The following FMN2 variants were observed in gnomAD, a reference collection of about 807,000 sequenced individuals.
FMN2 encodes formin 2, also known as formin-2.
Under a neutral mutation model 142.3 loss-of-function variants are expected in FMN2, and 51 were observed. That is an observed-to-expected ratio of 0.36 (90% CI 0.29 to 0.45). The LOEUF (loss-of-function observed/expected upper bound fraction) is 0.45, where lower values mean the gene tolerates loss of function less well. Ranked by LOEUF, FMN2 falls within the 20% of genes least tolerant of loss-of-function variation. The pLI is 1.00. For missense variants in FMN2, 1,936 were observed against 2,122.8 expected (o/e 0.91, Z 1.73); for synonymous variants, 882 against 869.8 (o/e 1.01, Z -0.25).
chr1:240,467,470 G>T (rs1676661984), intron 16 of FMN2, among the ~76,000 whole-genome samples: 1 of 151,986 alleles, frequency 6.6e-6, no homozygotes, highest in Non-Finnish European at 1.5e-5. Flanking sequence ...GTTTCACCAT[G>T]TTGGCCAGGC....
intron 4 of FMN2, among the ~76,000 whole-genome samples, chr1:240,200,483 G>A (rs959530094): frequency 1.1e-4 from 17 of 152,118 alleles, no homozygotes; most frequent in Non-Finnish European, 2.2e-4. Flanking sequence ...CCCTGGATAA[G>A]GAAGGCCAGA....
At chr1:240,150,420 T>A (rs1005910041) in intron 2 of FMN2, among the ~76,000 whole-genome samples, 1 of 152,218 alleles carries the variant, frequency 6.6e-6, no homozygotes, top group African/African-American at 2.4e-5. Flanking sequence ...AAACAATGTC[T>A]GTAAACACAA....
intron 8 of FMN2, among the ~76,000 whole-genome samples, chr1:240,314,070 A>C (rs2102991003): frequency 6.6e-6 from 1 of 152,332 alleles, no homozygotes; most frequent in South Asian, 2.1e-4. Flanking sequence ...CTACTAAGGA[A>C]GATGCTGGTA....
At chr1:240,246,840 G>A (rs1232786324) in intron 6 of FMN2, among the ~76,000 whole-genome samples, 1 of 152,194 alleles carries the variant, frequency 6.6e-6, no homozygotes, top group East Asian at 1.9e-4. Flanking sequence ...TCTTTTTTCT[G>A]ATTATAAGTT....
At chr1:240,093,830 TG>T in intron 1 of FMN2, 106 bp downstream of exon 1, 4 of 724,464 alleles carry the variant, frequency 5.5e-6, no homozygotes, top group Non-Finnish European at 7.7e-6. Context: ...GACCTGGTAG[TG>T]GCACATCTCT....
intron 13 of FMN2, among the ~76,000 whole-genome samples, chr1:240,346,875 A>G (rs1671926487): frequency 6.6e-6 from 1 of 152,218 alleles, no homozygotes; most frequent in Non-Finnish European, 1.5e-5. Flanking sequence ...AATTTAAAGA[A>G]CAAACTATGT....
At chr1:240,144,472 C>A in intron 2 of FMN2, 1 of 1,558,076 alleles carries the variant, frequency 6.4e-7, no homozygotes. Flanking sequence ...CCAGGAACAC[C>A]CCATGCCAGC....
At chr1:240,115,029 GTT>G (rs1295582431) in intron 1 of FMN2, among the ~76,000 whole-genome samples, 1 of 152,154 alleles carries the variant, frequency 6.6e-6, no homozygotes, top group Non-Finnish European at 1.5e-5. Flanking sequence ...AGGTATGGTT[GTT>G]ACCCTGAAAT....
At position 240,439,647 on chromosome 1, in the gene FMN2, T is replaced by C. The variant is rs1262956033; in HGVS notation, c.5060+1437T>C. ...ATAATGAGCTTATTCTGCTTCCAAA[T>C]GCATCAGTAACGTAAAATATGAGAG... On this transcript the variant is annotated intron_variant, in intron 16 of 17. Coordinates refer to ENST00000319653, the MANE Select transcript of FMN2 (RefSeq NM_020066.5). Among the ~76,000 whole-genome samples, 3 of 152,208 alleles carry C rather than the reference T, an allele frequency of 2.0e-5. No individual in the cohort carries two copies. The East Asian group carries it at 5.8e-4, about 29-fold the overall frequency.
At chr1:240,289,208 T>C (rs1669691619) in intron 7 of FMN2, among the ~76,000 whole-genome samples, 2 of 152,132 alleles carry the variant, frequency 1.3e-5, no homozygotes, top group African/African-American at 4.8e-5. Flanking sequence ...TAAGTGTTCA[T>C]GGCTTATGAA....
chr1:240,373,656 A>G (rs1470729836), intron 14 of FMN2, among the ~76,000 whole-genome samples: 2 of 152,176 alleles, frequency 1.3e-5, no homozygotes, highest in African/African-American at 4.8e-5. Context: ...ATTTGGTCAC[A>G]TCCTCAGGCT....
intron 4 of FMN2, among the ~76,000 whole-genome samples, chr1:240,196,153 G>A (rs1442685108): frequency 1.3e-5 from 2 of 152,214 alleles, no homozygotes; most frequent in African/African-American, 4.8e-5. Flanking sequence ...ATGCTCAGTA[G>A]TCGGGAGCCA....
chr1:240,445,440 A>G (rs1675772409), intron 16 of FMN2, among the ~76,000 whole-genome samples: 1 of 152,214 alleles, frequency 6.6e-6, no homozygotes, highest in Non-Finnish European at 1.5e-5. Context: ...AAGAGGCAGC[A>G]TTGCTGTGGA....
rs555074808 is a variant in FMN2 at position 240,439,279 on chromosome 1, A to AAAAAAAAAAAAGAAAG, written c.5060+1072_5060+1073insAAAAAAAAGAAAGAAA. 3.9e-4 allele frequency among the ~76,000 whole-genome samples: 49 copies of AAAAAAAAAAAAGAAAG among 124,762 alleles called. 1 individual carries two copies. The highest frequency in any genetic ancestry group is 5.5e-4 in the Non-Finnish European group (34 of 61,862). The allele number at this position is 124,762 out of a possible 152,430, so 81.8% of individuals were successfully genotyped here. On this transcript the variant is annotated intron_variant, in intron 16 of 17. Transcript: ENST00000319653. ...CAGAGCAAGGCTGTCTCAAAAAAAA[A>AAAAAAAAAAAAGAAAG]AAAGAAAGAAAGAAAGAAAGAAAGA...
At chr1:240,139,932 A>G (rs970819690) in intron 2 of FMN2, among the ~76,000 whole-genome samples, 1 of 152,162 alleles carries the variant, frequency 6.6e-6, no homozygotes, top group Non-Finnish European at 1.5e-5. Context: ...TGAATGGTAG[A>G]AAGGAGGGGA....
intron 15 of FMN2, among the ~76,000 whole-genome samples, chr1:240,434,592 C>G (rs1044341127): frequency 6.7e-6 from 1 of 148,662 alleles, no homozygotes; most frequent in Non-Finnish European, 1.5e-5. Context: ...GATGGAGTCT[C>G]GCTCTGTCAC....
chr1:240,447,448 C>T (rs1241686268), intron 16 of FMN2, among the ~76,000 whole-genome samples: 3 of 152,132 alleles, frequency 2.0e-5, no homozygotes, highest in African/African-American at 4.8e-5. Flanking sequence ...AGATATTCCA[C>T]ATTGTTAGTC....
intron 7 of FMN2, among the ~76,000 whole-genome samples, chr1:240,271,376 TGAG>T (rs1229386357): frequency 1.3e-4 from 19 of 151,558 alleles, no homozygotes; most frequent in African/African-American, 4.6e-4. Flanking sequence ...AGGCTCAGTG[TGAG>T]CAATGTTGTT....
rs1445861725 is a variant in FMN2, at chr1:240,474,381, TA to T, written c.*231del. ...GAGAATTTGACACCTTTTCTTTTTG[TA>T]AAAGTTTATGGTATTATACCGATAG... On this transcript the variant is annotated 3_prime_UTR_variant, in exon 18 of 18. Transcript: ENST00000319653. 4 of 464,182 alleles carry T rather than the reference TA, an allele frequency of 8.6e-6. No individual in the cohort carries two copies. The highest frequency in any genetic ancestry group is 8.2e-5 in the African/African-American group (4 of 48,694). 28.8% of individuals were successfully genotyped at this position (464,182 alleles called of 1,614,324 possible). A position where few individuals can be genotyped will look rare whatever the true frequency, so the allele number is the denominator to read the frequency against.
Sources: gnomAD v4.1 joint callset for allele counts (sites outside exome capture counted in the v4.1 genomes callset) on GRCh38, gnomAD v4.1.1 for gene constraint, MANE v1.5 for transcripts, NCBI Gene and HGNC (gene_info 2026-07-23, HGNC 2026-07-21) for gene names.